Variants in BRINP3 observed in about 807,000 individuals in gnomAD.
The protein encoded by BRINP3 is BMP/retinoic acid-inducible neural-specific protein 3.
A neutral mutation model predicts 71.0 loss-of-function variants in BRINP3; 19 were observed. The observed-to-expected ratio is 0.27, with a 90% CI of 0.19 to 0.39. The LOEUF is 0.39. Ranked by LOEUF, BRINP3 falls within the 10% of genes least tolerant of loss-of-function variation. The pLI is 1.00. For synonymous variants in BRINP3, 380 were observed against 337.7 expected (o/e 1.13, Z -1.37); for missense variants, 959 against 940.8 (o/e 1.02, Z -0.25).
chr1:190,279,487 A>T (rs1368061520), intron 3 of BRINP3, among the ~76,000 whole-genome samples: 1 of 151,892 alleles, frequency 6.6e-6, no homozygotes, highest in African/African-American at 2.4e-5. Context: ...CAGTTGCCTA[A>T]AAGACGGGGA....
intron 7 of BRINP3, among the ~76,000 whole-genome samples, chr1:190,104,487 C>A (rs1651971406): frequency 6.6e-6 from 1 of 151,894 alleles, no homozygotes; most frequent in South Asian, 2.1e-4. Flanking sequence ...TAGGCATTTT[C>A]TTTATTATAG....
chr1:190,289,549 A>C (rs1663696606), intron 2 of BRINP3, among the ~76,000 whole-genome samples: 3 of 152,006 alleles, frequency 2.0e-5, no homozygotes, highest in Admixed American at 1.3e-4. Context: ...ACCTTTCAGT[A>C]TGAATCAGGC....
At chr1:190,370,712 C>A (rs1669807679) in intron 2 of BRINP3, among the ~76,000 whole-genome samples, 2 of 152,220 alleles carry the variant, frequency 1.3e-5, no homozygotes. Flanking sequence ...TGCCACAGAA[C>A]TAGAACCTGC....
intron 2 of BRINP3, chr1:190,302,691 T>C (rs1384462249): frequency 1.3e-5 from 2 of 151,878 alleles, no homozygotes; most frequent in Admixed American, 6.6e-5. Context: ...AAAAGTCCCA[T>C]GTCTTCTGCA....
At position 190,281,332 on chromosome 1, in the gene BRINP3, T is replaced by C. The variant is rs1273338579; in HGVS notation, c.427+228A>G. 1.3e-5 allele frequency among the ~76,000 whole-genome samples: 2 copies of C among 151,990 alleles called. 1 individual carries two copies. The highest frequency in any genetic ancestry group is 2.9e-5 in the Non-Finnish European group (2 of 67,952). On this transcript the variant is annotated intron_variant, in intron 3 of 7. Coordinates refer to ENST00000367462, the MANE Select transcript of BRINP3 (RefSeq NM_199051.3). ...ATTATGTCAAATATTTGTATGTTAT[T>C]AGATTGTAAATAGCTTTCATGCAGA...
At chr1:190,273,805 T>G (rs1183788739) in intron 3 of BRINP3, among the ~76,000 whole-genome samples, 3 of 151,654 alleles carry the variant, frequency 2.0e-5, no homozygotes, top group African/African-American at 4.8e-5. Context: ...AGAAACAGAC[T>G]AAAAATAATA....
chr1:190,261,982 T>C (rs1438016433), intron 4 of BRINP3, among the ~76,000 whole-genome samples: 1 of 152,172 alleles, frequency 6.6e-6, no homozygotes, highest in African/African-American at 2.4e-5. Flanking sequence ...GTTCCTCATA[T>C]TTACTTCTAA....
At chr1:190,340,837 G>A (rs1028719009) in intron 2 of BRINP3, among the ~76,000 whole-genome samples, 2 of 151,772 alleles carry the variant, frequency 1.3e-5, no homozygotes, top group South Asian at 2.1e-4. Flanking sequence ...AGGATCAAGA[G>A]TACCTGGATT....
intron 2 of BRINP3, among the ~76,000 whole-genome samples, chr1:190,379,833 A>T (rs1248827866): frequency 6.6e-6 from 1 of 151,802 alleles, no homozygotes; most frequent in African/African-American, 2.4e-5. Flanking sequence ...CCCCATCTCT[A>T]CTAAAGATAC....
intron 7 of BRINP3, among the ~76,000 whole-genome samples, chr1:190,159,104 C>T (rs1657121366): frequency 1.3e-5 from 2 of 151,878 alleles, no homozygotes; most frequent in African/African-American, 2.4e-5. Context: ...AAAAGATGTT[C>T]AAAGCACATG....
chr1:190,202,671 T>C (rs184797863), intron 6 of BRINP3, among the ~76,000 whole-genome samples: 14 of 152,228 alleles, frequency 9.2e-5, no homozygotes, highest in Non-Finnish European at 1.9e-4. Flanking sequence ...GCTATTGTGA[T>C]AGTGAATGGG....
At chr1:190,174,956 T>G (rs918930995) in intron 6 of BRINP3, among the ~76,000 whole-genome samples, 1 of 152,102 alleles carries the variant, frequency 6.6e-6, no homozygotes, top group Non-Finnish European at 1.5e-5. Flanking sequence ...GAGGTGAGCT[T>G]CTCTGACCAT....
chr1:190,286,105 A>T (rs1558146666), intron 2 of BRINP3, among the ~76,000 whole-genome samples: 2 of 152,134 alleles, frequency 1.3e-5, no homozygotes, highest in African/African-American at 4.8e-5. Context: ...TAACCAGTTT[A>T]ACCAGAACAT....
intron 6 of BRINP3, among the ~76,000 whole-genome samples, chr1:190,224,239 T>G (rs571854780): frequency 6.6e-6 from 1 of 151,744 alleles, no homozygotes; most frequent in East Asian, 1.9e-4. Context: ...GACTTCAAAT[T>G]TACTACAAAG....
intron 4 of BRINP3, among the ~76,000 whole-genome samples, chr1:190,257,364 G>A (rs1253226237): frequency 6.6e-6 from 1 of 152,062 alleles, no homozygotes; most frequent in Non-Finnish European, 1.5e-5. Flanking sequence ...TCTCTACACT[G>A]TTTATTCTAG....
At chr1:190,134,818 T>C (rs1400850986) in intron 7 of BRINP3, among the ~76,000 whole-genome samples, 1 of 152,106 alleles carries the variant, frequency 6.6e-6, no homozygotes, top group African/African-American at 2.4e-5. Context: ...TAATAAAGTG[T>C]CAACATTTGG....
intron 3 of BRINP3, among the ~76,000 whole-genome samples, chr1:190,278,053 T>C (rs1237610396): frequency 6.6e-6 from 1 of 151,766 alleles, no homozygotes; most frequent in Non-Finnish European, 1.5e-5. Flanking sequence ...GCTTCAAGTA[T>C]GGTACCCAAA....
intron 2 of BRINP3, among the ~76,000 whole-genome samples, chr1:190,418,358 T>A (rs941189186): frequency 9.9e-5 from 15 of 152,134 alleles, no homozygotes; most frequent in Admixed American, 5.2e-4. Flanking sequence ...CTTCTTATTC[T>A]TTTTATGAAT....
In BRINP3 at chr1:190,473,154, G is replaced by C. The variant is rs552671205; in HGVS notation, c.-51+4294C>G. On this transcript the variant is annotated intron_variant, in intron 1 of 7. Transcript: ENST00000367462. ...TGTGTGCATGTATACAAATATATAT[G>C]TATACACACACACAAACATATATAC... 5.9e-5 allele frequency among the ~76,000 whole-genome samples: 9 copies of C among 151,636 alleles called. No homozygotes were observed. The South Asian group carries it at 1.2e-3, about 21-fold the overall frequency.
Sources: allele counts gnomAD v4.1 joint callset (sites outside exome capture counted in the v4.1 genomes callset), GRCh38; gene constraint gnomAD v4.1.1; transcripts MANE v1.5; gene names NCBI Gene and HGNC (gene_info 2026-07-23, HGNC 2026-07-21).